The following ERC2 variants were observed in gnomAD, a reference collection of about 807,000 sequenced individuals.
The protein encoded by ERC2 is ELKS/RAB6-interacting/CAST family member 2.
ERC2 carries 42 observed loss-of-function variants against 114.8 expected under a neutral mutation model. The observed-to-expected ratio is 0.37, with a 90% confidence interval of 0.29 to 0.47. The LOEUF is 0.47. Ranked by LOEUF, ERC2 falls within the 20% of genes least tolerant of loss-of-function variation. ERC2 has a pLI of 0.99. For synonymous variants in ERC2, 454 were observed against 425.5 expected (o/e 1.07, Z -0.82); for missense variants, 939 against 1,150.7 (o/e 0.82, Z 2.66).
chr3:56,398,954 T>TA (rs2060419354), intron 2 of ERC2, among the ~76,000 whole-genome samples: 2 of 152,266 alleles, frequency 1.3e-5, no homozygotes, highest in South Asian at 4.2e-4. Context: ...TCTGCCAACT[T>TA]TACAGCAGAA....
rs549603894 is a variant in ERC2 at position 56,122,878 on chromosome 3, C to T, written c.1473+16631G>A. 3.3e-5 allele frequency among the ~76,000 whole-genome samples: 5 copies of T among 152,280 alleles called. No individual in the cohort carries two copies. In the East Asian group the frequency reaches 7.7e-4, roughly 23 times the overall value. On this transcript the variant is annotated intron_variant, in intron 6 of 17. Coordinates refer to ENST00000288221, the MANE Select transcript of ERC2 (RefSeq NM_015576.3). ...TGCTTGCTCCTGGATTCTGCTGTCT[C>T]GTCGCTTCTGCTAAGTCCCTTCTCT...
intron 3 of ERC2, among the ~76,000 whole-genome samples, chr3:56,260,244 C>G (rs1429062190): frequency 6.6e-6 from 1 of 152,164 alleles, no homozygotes; most frequent in African/African-American, 2.4e-5. Context: ...CAGGAAACCA[C>G]TCCTCCCCGT....
At chr3:56,432,107 G>T (rs1441788093) in intron 2 of ERC2, among the ~76,000 whole-genome samples, 1 of 152,176 alleles carries the variant, frequency 6.6e-6, no homozygotes, top group Non-Finnish European at 1.5e-5. Context: ...TCACTAAAAT[G>T]TATCTCAATG....
chr3:55,562,631 TGA>T (rs1185174324), intron 17 of ERC2, among the ~76,000 whole-genome samples: 1 of 152,178 alleles, frequency 6.6e-6, no homozygotes, highest in Non-Finnish European at 1.5e-5. Flanking sequence ...GTTGGTGGCC[TGA>T]GGGTTTGTGC....
At chr3:56,233,631 A>C (rs2050767455) in intron 3 of ERC2, among the ~76,000 whole-genome samples, 1 of 152,114 alleles carries the variant, frequency 6.6e-6, no homozygotes, top group South Asian at 2.1e-4. Flanking sequence ...AAAAAAAAAA[A>C]AAAACATTTT....
At chr3:55,610,064 CAA>C (rs36088271) in intron 17 of ERC2, among the ~76,000 whole-genome samples, 4,099 of 118,744 alleles carry the variant, frequency 0.035, 137 homozygotes, top group African/African-American at 0.087. Context: ...CAAACACAAA[CAA>C]AAAAAAAAAA....
At chr3:55,592,508 G>A (rs2057940307) in intron 17 of ERC2, among the ~76,000 whole-genome samples, 1 of 152,192 alleles carries the variant, frequency 6.6e-6, no homozygotes, top group African/African-American at 2.4e-5. Context: ...TCATTCAGGA[G>A]GGGATGGAAG....
chr3:55,801,493 C>G (rs1204676748), intron 14 of ERC2, among the ~76,000 whole-genome samples: 4 of 152,154 alleles, frequency 2.6e-5, no homozygotes, highest in Non-Finnish European at 5.9e-5. Flanking sequence ...GTCTAAAAAC[C>G]AGGTTACTGA....
At chr3:55,838,720 G>T (rs1323560300) in intron 14 of ERC2, among the ~76,000 whole-genome samples, 3 of 151,800 alleles carry the variant, frequency 2.0e-5, no homozygotes, top group Non-Finnish European at 4.4e-5. Context: ...AAGAAAAAAA[G>T]GAAGGAAGAC....
chr3:56,279,697 C>T (rs1413915312), intron 3 of ERC2, among the ~76,000 whole-genome samples: 1 of 152,190 alleles, frequency 6.6e-6, no homozygotes, highest in Non-Finnish European at 1.5e-5. Context: ...AAAGGACAGA[C>T]ATACATTTTT....
chr3:55,944,166 C>T (rs1394385960), intron 13 of ERC2, among the ~76,000 whole-genome samples: 2 of 152,210 alleles, frequency 1.3e-5, no homozygotes, highest in African/African-American at 4.8e-5. Context: ...AAACTCTACC[C>T]CCATAATAAC....
At chr3:56,391,834 A>T (rs1299885074) in intron 2 of ERC2, among the ~76,000 whole-genome samples, 2 of 152,230 alleles carry the variant, frequency 1.3e-5, no homozygotes, top group African/African-American at 4.8e-5. Context: ...CAAATTAATT[A>T]CAAAATACCT....
intron 2 of ERC2, among the ~76,000 whole-genome samples, chr3:56,311,290 T>TACAC (rs1484053205): frequency 3.2e-5 from 2 of 61,596 alleles, no homozygotes; most frequent in Non-Finnish European, 3.8e-5. Flanking sequence ...TATATATATA[T>TACAC]ACACACATAT....
At chr3:55,969,356 A>C (rs2068985470) in intron 12 of ERC2, among the ~76,000 whole-genome samples, 1 of 151,518 alleles carries the variant, frequency 6.6e-6, no homozygotes, top group Non-Finnish European at 1.5e-5. Flanking sequence ...AAAAGCTGGA[A>C]AACTGGAAAG....
intron 2 of ERC2, among the ~76,000 whole-genome samples, chr3:56,302,040 C>A (rs1179109768): frequency 1.3e-5 from 2 of 152,194 alleles, no homozygotes; most frequent in African/African-American, 4.8e-5. Flanking sequence ...AGACATAAAC[C>A]ATCTGCTGCC....
intron 5 of ERC2, 67 bp downstream of exon 5, chr3:56,148,910 G>C: frequency 7.0e-7 from 1 of 1,420,950 alleles, no homozygotes; most frequent in Non-Finnish European, 9.7e-7. Flanking sequence ...TTTGGAAAAA[G>C]TATGTATGTA....
intron 14 of ERC2, among the ~76,000 whole-genome samples, chr3:55,852,003 C>G (rs1328585980): frequency 6.6e-6 from 1 of 152,240 alleles, no homozygotes; most frequent in African/African-American, 2.4e-5. Flanking sequence ...GGGTGGATCA[C>G]TTGAGGTCAG....
At chr3:56,379,629 A>C (rs965853466) in intron 2 of ERC2, among the ~76,000 whole-genome samples, 2 of 152,356 alleles carry the variant, frequency 1.3e-5, no homozygotes, top group East Asian at 3.9e-4. Context: ...TACCCACTGC[A>C]CATACTCAAC....
intron 17 of ERC2, among the ~76,000 whole-genome samples, chr3:55,586,563 G>A (rs2057614483): frequency 6.6e-6 from 1 of 152,076 alleles, no homozygotes; most frequent in Non-Finnish European, 1.5e-5. Context: ...ATTTCCAACT[G>A]TTCTTTTAAA....
Sources: allele counts gnomAD v4.1 joint callset (sites outside exome capture counted in the v4.1 genomes callset), GRCh38; gene constraint gnomAD v4.1.1; transcripts MANE v1.5; gene names NCBI Gene and HGNC (gene_info 2026-07-23, HGNC 2026-07-21).